OSBPL2: variants seen among roughly 807,000 people sequenced by gnomAD.
OSBPL2 encodes oxysterol-binding protein-related protein 2.
OSBPL2 carries 18 observed loss-of-function variants against 58.4 expected under a neutral mutation model. The ratio of observed to expected loss-of-function variants is 0.31; its 90% CI spans 0.21 to 0.46. The LOEUF is 0.46. Ranked by LOEUF, OSBPL2 falls within the 20% of genes least tolerant of loss-of-function variation. OSBPL2 has a pLI of 1.00. For synonymous variants in OSBPL2, 221 were observed against 234.1 expected (o/e 0.94, Z 0.51); for missense variants, 461 against 616.5 (o/e 0.75, Z 2.67).
chr20:62,276,077 C>T (rs776210980), intron 6 of OSBPL2, among the ~76,000 whole-genome samples: 20 of 152,004 alleles, frequency 1.3e-4, no homozygotes, highest in South Asian at 2.1e-4. Flanking sequence ...CCACCAGGCC[C>T]GGCTAATTTT....
chr20:62,263,706 C>A lies in OSBPL2; in HGVS notation c.258+15C>A, dbSNP rs778986367. The A allele has an allele frequency of 4.3e-6, 7 of 1,610,132 alleles. No homozygotes were observed. The highest frequency in any genetic ancestry group is 1.3e-5 in the African/African-American group (1 of 74,836). ...GTGTTGGCCTGGTGAGTCCGGGGGC[C>A]CGTGTTCACACATGGGGCTGCACCA... On this transcript the variant is annotated intron_variant, in intron 4 of 13. Coordinates refer to ENST00000313733, the MANE Select transcript of OSBPL2 (RefSeq NM_144498.4).
At position 62,277,917 on chromosome 20, in the gene OSBPL2, A is replaced by G. The variant is rs143032747; in HGVS notation, c.492-1240A>G. Among the ~76,000 whole-genome samples, 295 of 152,312 alleles carry G rather than the reference A, an allele frequency of 1.9e-3. 1 individual carries two copies. The highest frequency in any genetic ancestry group is 6.9e-3 in the African/African-American group (285 of 41,564). Reference sequence around the variant, plus strand: ...GGGTATAAGCCATTCCATCTCGGAAATTTCAGGGGCCTTGTAGAAAGACAA... The same window carrying G: ...GGGTATAAGCCATTCCATCTCGGAAGTTTCAGGGGCCTTGTAGAAAGACAA... On this transcript the variant is annotated intron_variant, in intron 6 of 13. Coordinates refer to ENST00000313733, the MANE Select transcript of OSBPL2 (RefSeq NM_144498.4).
intron 12 of OSBPL2, among the ~76,000 whole-genome samples, chr20:62,290,295 G>A (rs1983407078): frequency 6.6e-6 from 1 of 152,158 alleles, no homozygotes; most frequent in Admixed American, 6.5e-5. Flanking sequence ...GACTATAGTG[G>A]TGTGATCTTG....
intron 6 of OSBPL2, among the ~76,000 whole-genome samples, chr20:62,274,125 G>C (rs887217313): frequency 1.3e-5 from 2 of 152,200 alleles, no homozygotes; most frequent in Non-Finnish European, 2.9e-5. Context: ...CCCCAGATCC[G>C]TTGTTTGTGG....
intron 13 of OSBPL2, among the ~76,000 whole-genome samples, chr20:62,292,270 A>G (rs2379132): frequency 0.98 from 149,583 of 152,368 alleles, 73,491 homozygotes; most frequent in East Asian, 1. Flanking sequence ...CAGGGGCCAC[A>G]GCCCGTGTGT....
intron 1 of OSBPL2, among the ~76,000 whole-genome samples, chr20:62,246,963 T>C (rs1427794212): frequency 6.6e-6 from 1 of 152,180 alleles, no homozygotes; most frequent in African/African-American, 2.4e-5. Flanking sequence ...AACCTCGCAG[T>C]GTCATGGTGG....
intron 12 of OSBPL2, among the ~76,000 whole-genome samples, chr20:62,289,974 A>T (rs6089722): frequency 0.38 from 57,750 of 152,116 alleles, 12,407 homozygotes; most frequent in East Asian, 0.53. Flanking sequence ...GTTATTATTA[A>T]ATTAAACAAA....
chr20:62,292,895 T>G (rs530225318), intron 13 of OSBPL2, among the ~76,000 whole-genome samples: 2,444 of 151,874 alleles, frequency 0.016, 24 homozygotes, highest in Middle Eastern at 0.034. Context: ...TTTTTTTTTT[T>G]TTGTTGTTGT....
chr20:62,281,218 C>A (rs561120933), intron 8 of OSBPL2, 53 bp downstream of exon 8: 3 of 1,337,906 alleles, frequency 2.2e-6, no homozygotes, highest in Non-Finnish European at 2.1e-6. Context: ...TGGGGATGGG[C>A]GAGCCGGGGA....
intron 2 of OSBPL2, among the ~76,000 whole-genome samples, chr20:62,258,322 G>A (rs762937338): frequency 2.6e-5 from 4 of 152,166 alleles, no homozygotes; most frequent in Non-Finnish European, 5.9e-5. Context: ...CTCCTTCACC[G>A]CCTATAATAC....
Position 62,269,180 on chromosome 20 carries a change from G to A in OSBPL2, c.259-2945G>A, listed in dbSNP as rs1285504613. Among the ~76,000 whole-genome samples, 2 of 152,214 alleles carry A rather than the reference G, an allele frequency of 1.3e-5. No individual in the cohort carries two copies. Among genetic ancestry groups the A allele is most frequent in the African/African-American group, 4.8e-5 (2 of 41,450 alleles). ...GCCCTGCAAAGTGTTGGAATTACAG[G>A]CGTGAGCCATCTCGCCTGGCCGACT... is the stretch of plus-strand genomic sequence containing the variant. On this transcript the variant is annotated intron_variant, in intron 4 of 13. Coordinates refer to ENST00000313733, the MANE Select transcript of OSBPL2 (RefSeq NM_144498.4). The surrounding 1 kb of genome is among the most constrained non-coding windows in gnomAD (Gnocchi z 4.2).
chr20:62,267,643 A>G (rs183436216), intron 4 of OSBPL2, among the ~76,000 whole-genome samples: 2 of 152,266 alleles, frequency 1.3e-5, no homozygotes, highest in East Asian at 3.9e-4. Context: ...GGCTCCACCT[A>G]ACCTCTGCGG....
intron 6 of OSBPL2, among the ~76,000 whole-genome samples, chr20:62,274,658 C>G (rs947770294): frequency 2.6e-5 from 4 of 152,236 alleles, no homozygotes; most frequent in African/African-American, 9.6e-5. Flanking sequence ...GGACACCCTT[C>G]ACTCTTCTGA....
chr20:62,259,727 A>C (rs1389692658), intron 2 of OSBPL2, among the ~76,000 whole-genome samples: 1 of 152,138 alleles, frequency 6.6e-6, no homozygotes, highest in East Asian at 1.9e-4. Context: ...CTGGACCTCA[A>C]ATCACAAGCG....
At chr20:62,275,249 G>A (rs1469424658) in intron 6 of OSBPL2, among the ~76,000 whole-genome samples, 1 of 152,130 alleles carries the variant, frequency 6.6e-6, no homozygotes, top group Admixed American at 6.5e-5. Flanking sequence ...TTTCTTTTGT[G>A]TGTGTTTCAA....
intron 13 of OSBPL2, among the ~76,000 whole-genome samples, chr20:62,293,579 G>T (rs1442678632): frequency 6.6e-6 from 1 of 152,184 alleles, no homozygotes; most frequent in African/African-American, 2.4e-5. Flanking sequence ...AAATTGACAC[G>T]GGTGGCTGGA....
At chr20:62,253,231 G>T (rs532517787) in intron 1 of OSBPL2, among the ~76,000 whole-genome samples, 3 of 152,244 alleles carry the variant, frequency 2.0e-5, no homozygotes, top group Admixed American at 6.5e-5. Context: ...TCCATAAAGC[G>T]CAATTTCCTC....
chr20:62,248,386 C>T (rs1407535710), intron 1 of OSBPL2, among the ~76,000 whole-genome samples: 1 of 151,984 alleles, frequency 6.6e-6, no homozygotes, highest in Non-Finnish European at 1.5e-5. Context: ...GAACTCCTGA[C>T]CTCAGGTGAT....
At chr20:62,289,380 C>G in intron 12 of OSBPL2, 50 bp downstream of exon 12, 1 of 1,591,942 alleles carries the variant, frequency 6.3e-7, no homozygotes, top group East Asian at 2.3e-5. Flanking sequence ...GACGCCCTGG[C>G]TAGGGTGGGA....
Sources: gnomAD v4.1 joint callset for allele counts (sites outside exome capture counted in the v4.1 genomes callset) on GRCh38, gnomAD v4.1.1 for gene constraint, Gnocchi (gnomAD v3.1) non-coding constraint, MANE v1.5 for transcripts, NCBI Gene and HGNC (gene_info 2026-07-23, HGNC 2026-07-21) for gene names.